The following PRKAG3 variants were observed in gnomAD, a reference collection of about 807,000 sequenced individuals.
The protein encoded by PRKAG3 is 5'-AMP-activated protein kinase subunit gamma-3.
Under a neutral mutation model 56.5 loss-of-function variants are expected in PRKAG3, and 39 were observed. The ratio of observed to expected loss-of-function variants is 0.69; its 90% CI spans 0.53 to 0.90. The LOEUF (loss-of-function observed/expected upper bound fraction) is 0.90, where lower values mean the gene tolerates loss of function less well. Among genes scored for constraint, PRKAG3 ranks in the 40% least tolerant of loss-of-function variants. The probability of loss-of-function intolerance (pLI) is 0.00; values close to 1 mark genes in which losing one functional copy is unlikely to be tolerated. For missense variants in PRKAG3, 628 were observed against 627.5 expected (o/e 1.00, Z -0.01); for synonymous variants, 243 against 250.1 (o/e 0.97, Z 0.27).
intron 4 of PRKAG3, 53 bp downstream of exon 4, chr2:218,829,925 C>A: frequency 6.4e-7 from 1 of 1,557,034 alleles, no homozygotes; most frequent in Non-Finnish European, 8.6e-7. Context: ...GTGGCGGCTG[C>A]AGCACCGTGT....
intron 4 of PRKAG3, 29 bp from the exon 5 acceptor site, chr2:218,828,629 T>G (rs747123369): frequency 6.3e-7 from 1 of 1,598,864 alleles, no homozygotes; most frequent in Non-Finnish European, 8.5e-7. Context: ...CAGTCAAGGG[T>G]GGGTCCCGAG....
Position 218,827,512 on chromosome 2 carries a change from A to G in PRKAG3, c.875+63T>C. The G allele has an allele frequency of 1.2e-6, 2 of 1,601,818 alleles. No homozygotes were observed. Among genetic ancestry groups the G allele is most frequent in the Non-Finnish European group, 1.7e-6 (2 of 1,169,118 alleles). ...GGATGAAGAGGTGAGTTCAGAGCTGAGTGGGACTGGGGAAGGGGACTGTGG... is the reference window on the plus strand; with the variant it reads ...GGATGAAGAGGTGAGTTCAGAGCTGGGTGGGACTGGGGAAGGGGACTGTGG... On this transcript the variant is annotated intron_variant, in intron 8 of 12. Transcript: ENST00000529249. This position sits in a 1 kb window ranked among gnomAD's most constrained non-coding sequence, Gnocchi z 5.3.
At position 218,827,928 on chromosome 2, in the gene PRKAG3, G is replaced by A. The variant is rs1346939021; in HGVS notation, c.775-50C>T. On this transcript the variant is annotated intron_variant, in intron 6 of 12. Transcript: ENST00000529249. This position sits in a 1 kb window ranked among gnomAD's most constrained non-coding sequence, Gnocchi z 5.3. Reference sequence around the variant, plus strand: ...AAGTCAGAAAGACGTGGGCTTCTAGGGCACCAGGCTCCAGGAGGACTCCCC... The same window carrying A: ...AAGTCAGAAAGACGTGGGCTTCTAGAGCACCAGGCTCCAGGAGGACTCCCC... 11 of 1,611,312 alleles carry A rather than the reference G, an allele frequency of 6.8e-6. No homozygotes were observed. Among genetic ancestry groups the A allele is most frequent in the Non-Finnish European group, 9.3e-6 (11 of 1,178,030 alleles).
chr2:218,823,204 C>T (rs572356646), downstream of PRKAG3: 7 of 338,660 alleles, frequency 2.1e-5, no homozygotes, highest in South Asian at 1.9e-4. Flanking sequence ...CCCTAGCAAA[C>T]GTGTGACCAG....
chr2:218,830,068 G>C, exon 4 of PRKAG3: 1 of 1,613,704 alleles, frequency 6.2e-7, no homozygotes, highest in Non-Finnish European at 8.5e-7. Context: ...TGTAGATCTG[G>C]GCGCCGGGTT....
chr2:218,830,171 C>T, exon 4 of PRKAG3: 1 of 1,614,184 alleles, frequency 6.2e-7, no homozygotes, highest in South Asian at 1.1e-5. Context: ...TTCTAGCTCA[C>T]ACTCCCAGGC....
chr2:218,829,481 C>G (rs569653152), intron 4 of PRKAG3, among the ~76,000 whole-genome samples: 1 of 151,586 alleles, frequency 6.6e-6, no homozygotes, highest in Non-Finnish European at 1.5e-5. Flanking sequence ...CCACCACGGC[C>G]GGCTAATTTT....
chr2:218,830,165 A>G (rs1474363349), exon 4 of PRKAG3: 1 of 1,614,128 alleles, frequency 6.2e-7, no homozygotes, highest in Non-Finnish European at 8.5e-7. Flanking sequence ...CAGGCCTTCT[A>G]GCTCACACTC....
intron 5 of PRKAG3, among the ~76,000 whole-genome samples, chr2:218,828,286 G>A (rs1280092079): frequency 1.3e-5 from 2 of 152,216 alleles, no homozygotes; most frequent in South Asian, 2.1e-4. Context: ...CCATGCAGTA[G>A]CGGAGGTGAA....
intron 1 of PRKAG3, 70 bp from the exon 2 acceptor site, chr2:218,831,445 A>T: frequency 7.4e-7 from 1 of 1,348,768 alleles, no homozygotes; most frequent in Non-Finnish European, 1.0e-6. Flanking sequence ...CTCCCTGAAC[A>T]CACGCCTACA....
chr2:218,830,319 G>A (rs754624120), exon 4 of PRKAG3: 3 of 1,612,160 alleles, frequency 1.9e-6, no homozygotes, highest in Admixed American at 1.7e-5. Context: ...TGAGCCAAGG[G>A]TGTGGTCTTG....
At chr2:218,830,863 G>T in exon 3 of PRKAG3, 2 of 1,613,890 alleles carry the variant, frequency 1.2e-6, no homozygotes, top group Non-Finnish European at 1.7e-6. Flanking sequence ...GCTGGTGATG[G>T]CCATGAGCTG....
At chr2:218,828,468 A>C (rs1483578560) in intron 5 of PRKAG3, 51 bp downstream of exon 5, 3 of 1,460,352 alleles carry the variant, frequency 2.1e-6, no homozygotes, top group Non-Finnish European at 2.8e-6. Flanking sequence ...ACCGTACAAG[A>C]TCTCCCCCTC....
At position 218,825,187 on chromosome 2, in the gene PRKAG3, T is replaced by A. The variant is rs563651477; in HGVS notation, c.1169-611A>T. Reference sequence around the variant, plus strand: ...CCATCTCTACTAAAGATACAAAAAATTAGCCAGGTGTGATGGCACGCACCT... The same window carrying A: ...CCATCTCTACTAAAGATACAAAAAAATAGCCAGGTGTGATGGCACGCACCT... On this transcript the variant is annotated intron_variant, in intron 10 of 12. Transcript: ENST00000529249. Among the ~76,000 whole-genome samples, 13 of 151,748 alleles carry A rather than the reference T, an allele frequency of 8.6e-5. No homozygotes were observed. In the South Asian group the frequency reaches 2.5e-3, roughly 29 times the overall value.
rs765589234 is a variant in PRKAG3 at position 218,827,862 on chromosome 2, A to G, written c.791T>C (p.Ile264Thr). The change falls in exon 7 of 13, where the codon ATT (isoleucine) becomes ACT (threonine). Residue 264 changes from isoleucine to threonine, a missense_variant. By Grantham distance (89) the Ile-to-Thr change is moderately conservative (BLOSUM62 -1). Transcript: ENST00000529249. This position sits in a 1 kb window ranked among gnomAD's most constrained non-coding sequence, Gnocchi z 5.3. ...CCAGGTCTCAATCTTATGTTGTTCA[A>G]TCTCATAGATCTGGACCTAGAGACA... 1.7e-5 allele frequency: 27 copies of G among 1,613,890 alleles called. No homozygotes were observed. The highest frequency in any genetic ancestry group is 2.0e-5 in the Non-Finnish European group (24 of 1,179,970).
At chr2:218,830,982 A>T in intron 2 of PRKAG3, 81 bp from the exon 3 acceptor site, 1 of 1,505,976 alleles carries the variant, frequency 6.6e-7, no homozygotes, top group South Asian at 1.1e-5. Flanking sequence ...AATCTTTAGG[A>T]TTTGCAAGCT....
intron 1 of PRKAG3, among the ~76,000 whole-genome samples, 164 bp from the exon 2 acceptor site, chr2:218,831,539 C>T (rs950482368): frequency 1.3e-5 from 2 of 152,150 alleles, no homozygotes; most frequent in Middle Eastern, 3.2e-3. Flanking sequence ...GAAACACACA[C>T]ATCCAAACAC....
intron 1 of PRKAG3, 121 bp from the exon 2 acceptor site, chr2:218,831,496 A>T: frequency 9.6e-7 from 1 of 1,036,800 alleles, no homozygotes; most frequent in Admixed American, 2.2e-5. Context: ...CACACGCCAT[A>T]CACAGACATG....
exon 4 of PRKAG3, chr2:218,830,172 A>G: frequency 3.1e-6 from 5 of 1,613,902 alleles, no homozygotes; most frequent in Non-Finnish European, 4.2e-6. Flanking sequence ...TCTAGCTCAC[A>G]CTCCCAGGCC....
Sources: allele counts gnomAD v4.1 joint callset (sites outside exome capture counted in the v4.1 genomes callset), GRCh38; gene constraint gnomAD v4.1.1; non-coding constraint Gnocchi (gnomAD v3.1); transcripts MANE v1.5; gene names NCBI Gene and HGNC (gene_info 2026-07-23, HGNC 2026-07-21).